Variants in DNAJC1 observed in about 807,000 individuals in gnomAD.
DNAJC1 encodes the protein DnaJ heat shock protein family (Hsp40) member C1.
Under a neutral mutation model 76.6 loss-of-function variants are expected in DNAJC1, and 58 were observed. That is an observed-to-expected ratio of 0.76 (90% confidence interval 0.61 to 0.94). DNAJC1 has a LOEUF of 0.94. Among genes scored for constraint, DNAJC1 ranks in the 40% least tolerant of loss-of-function variants. The pLI is 0.00. For synonymous variants in DNAJC1, 258 were observed against 267.9 expected, an observed-to-expected ratio of 0.96 and a Z score of 0.36; for missense variants, 689 against 677.3, an observed-to-expected ratio of 1.02 and a Z score of -0.19.
chr10:21,905,510 G>C (rs557339587), intron 6 of DNAJC1, among the ~76,000 whole-genome samples: 1 of 152,036 alleles, frequency 6.6e-6, no homozygotes, highest in African/African-American at 2.4e-5. Context: ...TTATTCTGAT[G>C]AACTCTTATT....
chr10:21,762,490 T>C (rs1481704555), intron 10 of DNAJC1, among the ~76,000 whole-genome samples: 3 of 152,254 alleles, frequency 2.0e-5, no homozygotes, highest in Non-Finnish European at 4.4e-5. Context: ...TATCCACATG[T>C]AGCGTCCTGC....
chr10:21,888,421 A>C (rs1405329521), intron 7 of DNAJC1, among the ~76,000 whole-genome samples: 1 of 152,218 alleles, frequency 6.6e-6, no homozygotes, highest in Non-Finnish European at 1.5e-5. Flanking sequence ...TTCTACCGTA[A>C]AGACACATGC....
chr10:21,847,276 C>T (rs1228014395), intron 8 of DNAJC1, among the ~76,000 whole-genome samples: 1 of 151,986 alleles, frequency 6.6e-6, no homozygotes, highest in Admixed American at 6.6e-5. Flanking sequence ...TTTGTGACTC[C>T]AAAATATCAT....
At chr10:21,813,244 A>ATATATATATATATATATATATATATATG (rs1429581567) in intron 8 of DNAJC1, among the ~76,000 whole-genome samples, 3 of 122,962 alleles carry the variant, frequency 2.4e-5, no homozygotes, top group Admixed American at 7.9e-5. Flanking sequence ...ATATATATAT[A>ATATATATATATATATATATATATATATG]CACATACAGC....
chr10:21,817,708 T>G (rs1339257760), intron 8 of DNAJC1, among the ~76,000 whole-genome samples: 1 of 152,230 alleles, frequency 6.6e-6, no homozygotes, highest in African/African-American at 2.4e-5. Context: ...GCTGAACCCA[T>G]GGCAGAAGAA....
chr10:21,962,699 G>C (rs1488013057), intron 1 of DNAJC1, among the ~76,000 whole-genome samples: 1 of 148,588 alleles, frequency 6.7e-6, no homozygotes, highest in African/African-American at 2.5e-5. Context: ...GCCCAGGCGG[G>C]TCTTGAACTC....
Position 21,787,439 on chromosome 10 carries a change from G to C in DNAJC1, c.1098+18541C>G, listed in dbSNP as rs1001986488. Among the ~76,000 whole-genome samples the C allele has an allele frequency of 5.9e-5, 9 of 152,248 alleles. No homozygotes were observed. The East Asian group carries it at 1.7e-3, about 29-fold the overall frequency. ...AGGAGGAGAAGGAGAAGAAGAAATA[G>C]AGTTATTTGGGGAGGTGATATCAGC... On this transcript the variant is annotated intron_variant, in intron 9 of 11. Coordinates refer to ENST00000376980, the MANE Select transcript of DNAJC1 (RefSeq NM_022365.4).
intron 7 of DNAJC1, among the ~76,000 whole-genome samples, chr10:21,885,566 C>CA (rs1836356069): frequency 2.0e-5 from 3 of 152,200 alleles, no homozygotes; most frequent in Non-Finnish European, 2.9e-5. Flanking sequence ...GGCACATACT[C>CA]TAAAATTGAT....
At chr10:21,866,936 T>C (rs1836010452) in intron 8 of DNAJC1, among the ~76,000 whole-genome samples, 1 of 152,016 alleles carries the variant, frequency 6.6e-6, no homozygotes, top group African/African-American at 2.4e-5. Context: ...AAGAAAACAA[T>C]CACAAGAAGA....
At chr10:21,951,113 A>T (rs1208725466) in intron 1 of DNAJC1, among the ~76,000 whole-genome samples, 2 of 152,208 alleles carry the variant, frequency 1.3e-5, no homozygotes, top group African/African-American at 4.8e-5. Flanking sequence ...CAAAGTCAGG[A>T]GTTCGAGACC....
chr10:21,951,521 TA>T (rs756514393), intron 1 of DNAJC1, among the ~76,000 whole-genome samples: 7,852 of 146,650 alleles, frequency 0.054, 279 homozygotes, highest in Non-Finnish European at 0.077. Context: ...CGTTTTCCCT[TA>T]AAAAAAAAAA....
chr10:21,923,307 T>G (rs1156551034), intron 3 of DNAJC1, among the ~76,000 whole-genome samples: 1 of 151,954 alleles, frequency 6.6e-6, no homozygotes, highest in Non-Finnish European at 1.5e-5. Flanking sequence ...TTAGAATATA[T>G]GCTGTTAAAA....
At chr10:21,836,792 T>C (rs569204486) in intron 8 of DNAJC1, among the ~76,000 whole-genome samples, 10 of 152,184 alleles carry the variant, frequency 6.6e-5, no homozygotes, top group African/African-American at 1.2e-4. Context: ...CCTAAATATA[T>C]ATGCACCCGA....
chr10:21,906,686 C>G (rs551044317), intron 6 of DNAJC1, among the ~76,000 whole-genome samples: 1 of 152,224 alleles, frequency 6.6e-6, no homozygotes, highest in South Asian at 2.1e-4. Flanking sequence ...AAGAACTCAG[C>G]TCTGCCATCT....
chr10:21,757,936 C>T (rs1248088576), intron 11 of DNAJC1, among the ~76,000 whole-genome samples: 3 of 152,194 alleles, frequency 2.0e-5, no homozygotes, highest in Admixed American at 6.5e-5. Context: ...CCAGCCCCTT[C>T]GTTTATAAGC....
At chr10:21,931,737 A>G (rs992148923) in intron 1 of DNAJC1, among the ~76,000 whole-genome samples, 1 of 152,210 alleles carries the variant, frequency 6.6e-6, no homozygotes, top group Non-Finnish European at 1.5e-5. Context: ...TGTCTAATAC[A>G]TTTGATATCA....
chr10:21,810,647 A>C (rs1834949945), intron 8 of DNAJC1, among the ~76,000 whole-genome samples: 2 of 152,324 alleles, frequency 1.3e-5, no homozygotes, highest in South Asian at 4.1e-4. Context: ...AGCCAGATGT[A>C]AATTAAAACA....
chr10:21,842,614 G>A (rs1564805389), intron 8 of DNAJC1, among the ~76,000 whole-genome samples: 1 of 152,134 alleles, frequency 6.6e-6, no homozygotes, highest in Non-Finnish European at 1.5e-5. Context: ...ATAGGCAAGA[G>A]GTTTTAAAGA....
intron 1 of DNAJC1, among the ~76,000 whole-genome samples, chr10:21,936,366 C>T (rs994367360): frequency 5.9e-5 from 9 of 152,078 alleles, no homozygotes; most frequent in Non-Finnish European, 1.3e-4. Flanking sequence ...GCAGCACAGA[C>T]TAAAACAGGT....
Sources: allele counts gnomAD v4.1 joint callset (sites outside exome capture counted in the v4.1 genomes callset), GRCh38; gene constraint gnomAD v4.1.1; transcripts MANE v1.5; gene names NCBI Gene and HGNC (gene_info 2026-07-23, HGNC 2026-07-21).